Variants in MSANTD3 observed in about 807,000 individuals in gnomAD.
The protein encoded by MSANTD3 is myb/SANT-like DNA-binding domain-containing protein 3.
A neutral mutation model predicts 27.7 loss-of-function variants in MSANTD3; 11 were observed. The ratio of observed to expected loss-of-function variants is 0.40; its 90% CI spans 0.25 to 0.66. The LOEUF (loss-of-function observed/expected upper bound fraction) is 0.66, where lower values mean the gene tolerates loss of function less well. MSANTD3 is among the 30% of genes least tolerant of loss of function. MSANTD3 has a pLI of 0.41. For missense variants in MSANTD3, 250 were observed against 336.5 expected (o/e 0.74, Z 2.01); for synonymous variants, 131 against 127.2 (o/e 1.03, Z -0.20).
intron 1 of MSANTD3, among the ~76,000 whole-genome samples, chr9:100,440,780 CT>C (rs529362356): frequency 0.011 from 980 of 85,672 alleles, 14 homozygotes; most frequent in African/African-American, 0.044. Context: ...TTTTTCTTCC[CT>C]TTTTTTTTTT....
chr9:100,443,207 C>T (rs561822760), intron 2 of MSANTD3, among the ~76,000 whole-genome samples: 18 of 152,070 alleles, frequency 1.2e-4, no homozygotes, highest in Admixed American at 1.0e-3. Flanking sequence ...TGAGACCAGC[C>T]TGACCAACAT....
intron 1 of MSANTD3, among the ~76,000 whole-genome samples, chr9:100,428,646 C>G (rs1006926116): frequency 2.0e-5 from 3 of 152,112 alleles, no homozygotes; most frequent in Non-Finnish European, 4.4e-5. Flanking sequence ...TTTTTACTCC[C>G]AGGCCGCCAA....
intron 1 of MSANTD3, among the ~76,000 whole-genome samples, chr9:100,433,806 A>C (rs943497380): frequency 6.6e-6 from 1 of 152,160 alleles, no homozygotes; most frequent in Non-Finnish European, 1.5e-5. Context: ...CCTTGCTTGT[A>C]GGGAGGGCTG....
At chr9:100,432,076 G>T (rs759393572) in intron 1 of MSANTD3, among the ~76,000 whole-genome samples, 2 of 152,086 alleles carry the variant, frequency 1.3e-5, no homozygotes, top group Non-Finnish European at 2.9e-5. Context: ...ATGGGAAAGT[G>T]GGGGAGACCT....
intron 1 of MSANTD3, 80 bp from the exon 2 acceptor site, chr9:100,441,826 G>A (rs1836630140): frequency 3.5e-6 from 5 of 1,426,980 alleles, no homozygotes. Flanking sequence ...AGGGAATCAA[G>A]TCAGGAATTA....
Position 100,431,859 on chromosome 9 carries a change from C to T in MSANTD3, c.-34+4466C>T, listed in dbSNP as rs188838446. Among the ~76,000 whole-genome samples, 30 of 152,112 alleles carry T rather than the reference C, an allele frequency of 2.0e-4. 1 individual carries two copies. The East Asian group carries it at 3.9e-3, about 20-fold the overall frequency. On this transcript the variant is annotated intron_variant, in intron 1 of 2. Transcript: ENST00000395067. ...AGTGGAGGAGAGTGTATTCAGTAGA[C>T]GAGAAGGAGGCTGGAGTGGGAACAC...
intron 1 of MSANTD3, among the ~76,000 whole-genome samples, chr9:100,433,917 A>G (rs1402359058): frequency 3.3e-5 from 5 of 152,072 alleles, no homozygotes; most frequent in Admixed American, 2.6e-4. Flanking sequence ...ATTTCAGTCT[A>G]TTCAAGTAGG....
chr9:100,445,027 G>T, intron 2 of MSANTD3: 1 of 608,820 alleles, frequency 1.6e-6, no homozygotes. Flanking sequence ...GGTCCCATCT[G>T]GAGGGTGGTG....
intron 1 of MSANTD3, among the ~76,000 whole-genome samples, chr9:100,437,568 G>C (rs372227245): frequency 6.6e-6 from 1 of 152,226 alleles, no homozygotes; most frequent in Admixed American, 6.5e-5. Flanking sequence ...ACATTGCCTT[G>C]TATCAGAATC....
chr9:100,428,153 A>G lies in MSANTD3; in HGVS notation c.-34+760A>G, dbSNP rs75837288. On this transcript the variant is annotated intron_variant, in intron 1 of 2. Transcript: ENST00000395067. ...TAATCTTTATTTAGGAGTACGAAAC[A>G]GTGAAGAATTTAGTCTCCCTATTCC... is the stretch of plus-strand genomic sequence containing the variant. Among the ~76,000 whole-genome samples, 418 of 152,328 alleles carry G rather than the reference A, an allele frequency of 2.7e-3. 2 individuals are homozygous for G. The highest frequency in any genetic ancestry group is 5.0e-3 in the Non-Finnish European group (343 of 68,022).
At chr9:100,445,205 C>A in intron 2 of MSANTD3, 1 of 1,609,568 alleles carries the variant, frequency 6.2e-7, no homozygotes, top group Non-Finnish European at 8.5e-7. Flanking sequence ...CTGGAATTGT[C>A]AATCATCCTT....
At chr9:100,445,281 G>A (rs1215972418) in intron 2 of MSANTD3, 4 of 1,104,542 alleles carry the variant, frequency 3.6e-6, no homozygotes, top group Non-Finnish European at 5.6e-6. Context: ...TACATCTTGT[G>A]TATTTGACAT....
In MSANTD3 at chr9:100,427,395, T is replaced by G. The variant is rs1836268992; in HGVS notation, c.-34+2T>G. On this transcript the variant is annotated splice_donor_variant, in intron 1 of 2. Coordinates refer to ENST00000395067, the MANE Select transcript of MSANTD3 (RefSeq NM_080655.3). LOFTEE classifies it low-confidence loss of function (5UTR_SPLICE). ...GCGGCTGCCGCGCCGCCGCTGCAGG[T>G]AGGAGGCTCCCCTTCCGGGCGGGCC... 3 of 145,224 alleles carry G rather than the reference T, an allele frequency of 2.1e-5. No individual in the cohort carries two copies. Among genetic ancestry groups the G allele is most frequent in the Non-Finnish European group, 3.0e-5 (2 of 65,594 alleles). 9.0% of individuals were successfully genotyped at this position (145,224 alleles called of 1,614,324 possible).
intron 1 of MSANTD3, among the ~76,000 whole-genome samples, chr9:100,440,008 A>C (rs1397290083): frequency 6.6e-6 from 1 of 152,136 alleles, no homozygotes; most frequent in East Asian, 1.9e-4. Context: ...GCTTAGCTAC[A>C]TTTTTGCCGT....
chr9:100,450,352 T>C (rs1334692496), intron 2 of MSANTD3, among the ~76,000 whole-genome samples: 1 of 152,220 alleles, frequency 6.6e-6, no homozygotes, highest in East Asian at 1.9e-4. Flanking sequence ...CCCTTATCAT[T>C]ATTTCTTAAG....
intron 1 of MSANTD3, among the ~76,000 whole-genome samples, chr9:100,430,047 CT>C (rs1276321723): frequency 6.8e-6 from 1 of 146,498 alleles, no homozygotes; most frequent in African/African-American, 2.5e-5. Context: ...ACTTTGATCT[CT>C]TTTACCTTTG....
chr9:100,447,317 C>T (rs917185520), intron 2 of MSANTD3, among the ~76,000 whole-genome samples: 2 of 152,122 alleles, frequency 1.3e-5, no homozygotes, highest in South Asian at 2.1e-4. Context: ...ACCATTGAGC[C>T]TCTCTAGTTT....
chr9:100,450,527 G>T, intron 2 of MSANTD3, 30 bp from the exon 3 acceptor site: 9 of 1,485,854 alleles, frequency 6.1e-6, no homozygotes, highest in South Asian at 2.9e-5. Flanking sequence ...TAAAATCTTT[G>T]AACATATGTT....
chr9:100,450,883 A>T lies in MSANTD3; in HGVS notation c.745A>T (p.Met249Leu), dbSNP rs1197916062. 18 of 1,613,712 alleles carry T rather than the reference A, an allele frequency of 1.1e-5. No homozygotes were observed. The highest frequency in any genetic ancestry group is 1.5e-5 in the Non-Finnish European group (18 of 1,179,950). The change falls in exon 3 of 3, where the codon ATG becomes TTG. Residue 249 changes from methionine (M) to leucine (L), a missense_variant. Met to Leu is a conservative substitution (Grantham distance 15, BLOSUM62 2). Around this residue, in one of 3 missense-constraint regions of MSANTD3, gnomAD observed 235 missense variants for 299.3 expected, o/e 0.79. Coordinates refer to ENST00000395067, the MANE Select transcript of MSANTD3 (RefSeq NM_080655.3). ...IKMEVLNKKK[M>L]YWERKLQTFT... The stretch of plus-strand genomic sequence containing the variant: ...AATGGAAGTTCTCAATAAAAAGAAG[A>T]TGTATTGGGAAAGAAAACTACAAAC...
Sources: gnomAD v4.1 joint callset for allele counts (sites outside exome capture counted in the v4.1 genomes callset) on GRCh38, gnomAD v4.1.1 for gene constraint, gnomAD v4.1.1 regional missense constraint, MANE v1.5 for transcripts, NCBI Gene and HGNC (gene_info 2026-07-23, HGNC 2026-07-21) for gene names.